DNAAF9: variants seen among roughly 807,000 people sequenced by gnomAD.
The protein encoded by DNAAF9 is shulin.
A neutral mutation model predicts 167.0 loss-of-function variants in DNAAF9; 90 were observed. The observed-to-expected ratio is 0.54, with a 90% CI of 0.45 to 0.64. The LOEUF (loss-of-function observed/expected upper bound fraction) is 0.64. Ranked by LOEUF, DNAAF9 falls within the 30% of genes least tolerant of loss-of-function variation. The probability of loss-of-function intolerance (pLI) is 0.00; values close to 1 mark genes in which losing one functional copy is unlikely to be tolerated. For synonymous variants in DNAAF9, 491 were observed against 508.8 expected (o/e 0.96, Z 0.47); for missense variants, 1,315 against 1,442.2 (o/e 0.91, Z 1.43).
rs1425660049 is a variant in DNAAF9 at position 3,251,144 on chromosome 20, T to C, written c.*1428A>G. On this transcript the variant is annotated 3_prime_UTR_variant, in exon 37 of 37. Transcript: ENST00000252032. ...TTTGTTCATTTGGCTTCAAATTGTT[T>C]TTTTTTTTTTTCTAATATATTTTAC... 1 of 151,950 alleles carries C rather than the reference T, an allele frequency of 6.6e-6. No individual in the cohort carries two copies. Among genetic ancestry groups the C allele is most frequent in the African/African-American group, 2.4e-5 (1 of 41,404 alleles). 9.4% of individuals were successfully genotyped at this position (151,950 alleles called of 1,614,324 possible).
chr20:3,326,084 C>T (rs1283223364), intron 13 of DNAAF9, 113 bp downstream of exon 13: 12 of 745,726 alleles, frequency 1.6e-5, no homozygotes, highest in Non-Finnish European at 2.7e-5. Flanking sequence ...GTCAAAGAGG[C>T]CCAAGCTCGC....
intron 1 of DNAAF9, among the ~76,000 whole-genome samples, chr20:3,398,684 A>G (rs530791006): frequency 6.6e-6 from 1 of 152,346 alleles, no homozygotes; most frequent in Non-Finnish European, 1.5e-5. Flanking sequence ...GGGGTTTGGG[A>G]ATCAACAGCA....
chr20:3,362,012 G>A, intron 6 of DNAAF9: 4 of 1,517,678 alleles, frequency 2.6e-6, no homozygotes. Context: ...GCACTGGTAT[G>A]GCTCTTGGGT....
chr20:3,285,907 G>T (rs1218932771), intron 27 of DNAAF9, among the ~76,000 whole-genome samples: 1 of 151,500 alleles, frequency 6.6e-6, no homozygotes, highest in African/African-American at 2.4e-5. Context: ...TTGAACTCGG[G>T]AGGTGGAGGT....
intron 6 of DNAAF9, among the ~76,000 whole-genome samples, chr20:3,362,498 T>A (rs1295371218): frequency 6.6e-6 from 1 of 152,180 alleles, no homozygotes; most frequent in Non-Finnish European, 1.5e-5. Context: ...ATTTTTTTTT[T>A]ACAAATCAAT....
At chr20:3,312,269 T>C (rs1017795172) in intron 20 of DNAAF9, among the ~76,000 whole-genome samples, 1 of 152,172 alleles carries the variant, frequency 6.6e-6, no homozygotes, top group Admixed American at 6.5e-5. Flanking sequence ...ATTACAGGCA[T>C]GAGCCACCAC....
In DNAAF9 at chr20:3,405,657, T is replaced by C. The variant is rs2084045143; in HGVS notation, c.83+1818A>G. 3.3e-5 allele frequency among the ~76,000 whole-genome samples: 5 copies of C among 152,326 alleles called. No homozygotes were observed. The South Asian group carries it at 1.0e-3, about 32-fold the overall frequency. ...GTGAGCCAGCATACTTCTTTGAACA[T>C]AGAATCACTACCTTTAAAAGAATAA... On this transcript the variant is annotated intron_variant, in intron 1 of 36. Transcript: ENST00000252032.
At chr20:3,347,098 A>G (rs1463223245) in intron 8 of DNAAF9, among the ~76,000 whole-genome samples, 6 of 152,106 alleles carry the variant, frequency 3.9e-5, no homozygotes, top group Admixed American at 1.3e-4. Flanking sequence ...AGTAATAAAG[A>G]GAAAATCTTA....
At position 3,250,814 on chromosome 20, in the gene DNAAF9, C is replaced by G. The variant is rs563409371; in HGVS notation, c.*1758G>C. Reference sequence around the variant, plus strand: ...GAGAAATGGCCTGTGGTTCCCACCCCCCAACCCCTTTTCTAAGGCTGCTCA... The same window carrying G: ...GAGAAATGGCCTGTGGTTCCCACCCGCCAACCCCTTTTCTAAGGCTGCTCA... On this transcript the variant is annotated 3_prime_UTR_variant, in exon 37 of 37. Coordinates refer to ENST00000252032, the MANE Select transcript of DNAAF9 (RefSeq NM_001009984.3). 6.6e-6 allele frequency: 1 copy of G among 152,294 alleles called. No individual in the cohort carries two copies. Among genetic ancestry groups the G allele is most frequent in the Admixed American group, 6.5e-5 (1 of 15,300 alleles). 9.4% of individuals were successfully genotyped at this position (152,294 alleles called of 1,614,324 possible). A position where few individuals can be genotyped will look rare whatever the true frequency, so the allele number is the denominator to read the frequency against.
intron 10 of DNAAF9, 71 bp downstream of exon 10, chr20:3,340,433 T>TCCGGGGGGGGGCCCCCCCCCCCCCCCC: frequency 1.4e-5 from 3 of 221,214 alleles, no homozygotes; most frequent in Admixed American, 5.6e-5. Flanking sequence ...TTTGTCTAGC[T>TCCGGGGGGGGGCCCCCCCCCCCCCCCC]CCCCCCACCC....
chr20:3,278,951 T>A lies in DNAAF9; in HGVS notation c.2613-2A>T. ...TCAAGACATTTAGGAAAGAGAAATC[T>A]AGGGGGAAAAAAGGGGGAAATATTT... On this transcript the variant is annotated splice_acceptor_variant, in intron 28 of 36. Coordinates refer to ENST00000252032, the MANE Select transcript of DNAAF9 (RefSeq NM_001009984.3). LOFTEE classifies it high-confidence loss of function. The A allele has an allele frequency of 1.9e-6, 3 of 1,591,948 alleles. No individual in the cohort carries two copies. The highest frequency in any genetic ancestry group is 1.7e-5 in the Admixed American group (1 of 58,802).
intron 8 of DNAAF9, among the ~76,000 whole-genome samples, chr20:3,347,655 C>T (rs986301825): frequency 2.6e-5 from 4 of 151,686 alleles, no homozygotes; most frequent in Non-Finnish European, 4.4e-5. Flanking sequence ...TAGCCGGATG[C>T]GATGGCTCAC....
chr20:3,322,691 T>C lies in DNAAF9; in HGVS notation c.1271A>G (p.Lys424Arg). 1.2e-6 allele frequency: 2 copies of C among 1,612,784 alleles called. No homozygotes were observed. Among genetic ancestry groups the C allele is most frequent in the Non-Finnish European group, 1.7e-6 (2 of 1,178,732 alleles). ...CACAGCATGTATATGAAAAGTCATC[T>C]TGGAGCTGTAGACCAGAAACAAAAC... ...LIPFKAALRS[K>R]MTFHIHAVNN... Residue 424 changes from lysine to arginine, a missense_variant, in exon 15 of 37, where the codon AAG (lysine) becomes AGG (arginine). Lys to Arg is a conservative substitution (Grantham distance 26). Transcript: ENST00000252032.
intron 6 of DNAAF9, among the ~76,000 whole-genome samples, chr20:3,368,853 G>A (rs532031464): frequency 2.6e-4 from 38 of 146,134 alleles, no homozygotes; most frequent in Non-Finnish European, 3.9e-4. Flanking sequence ...TTTCATCCAG[G>A]CTGGGTGCAG....
At chr20:3,357,792 G>A (rs536012582) in intron 7 of DNAAF9, among the ~76,000 whole-genome samples, 201 of 151,690 alleles carry the variant, frequency 1.3e-3, no homozygotes, top group African/African-American at 4.6e-3. Flanking sequence ...TCTGCCTCCC[G>A]GGTTCCAGCA....
chr20:3,259,675 G>C (rs893188527), intron 32 of DNAAF9, 121 bp from the exon 33 acceptor site: 18 of 709,358 alleles, frequency 2.5e-5, no homozygotes, highest in Non-Finnish European at 4.2e-5. Flanking sequence ...GGGTTCACAG[G>C]TTCTACCCGC....
At chr20:3,314,192 T>C (rs1319243297) in intron 20 of DNAAF9, among the ~76,000 whole-genome samples, 1 of 152,150 alleles carries the variant, frequency 6.6e-6, no homozygotes, top group Non-Finnish European at 1.5e-5. Flanking sequence ...TTAGATGAGC[T>C]TGATCATGAG....
chr20:3,384,458 T>C (rs2083705461), intron 1 of DNAAF9: 1 of 151,384 alleles, frequency 6.6e-6, no homozygotes, highest in Non-Finnish European at 1.5e-5. Context: ...TAATCATCAG[T>C]CAAAAACAAA....
intron 8 of DNAAF9, among the ~76,000 whole-genome samples, chr20:3,344,206 G>A (rs191856015): frequency 7.3e-4 from 111 of 152,126 alleles, no homozygotes; most frequent in African/African-American, 2.2e-3. Flanking sequence ...AAGGAATTTC[G>A]AAATATACTG....
Sources: allele counts gnomAD v4.1 joint callset (sites outside exome capture counted in the v4.1 genomes callset), GRCh38; gene constraint gnomAD v4.1.1; transcripts MANE v1.5; gene names NCBI Gene and HGNC (gene_info 2026-07-23, HGNC 2026-07-21).